Variants in NRG1 observed in about 807,000 individuals in gnomAD.
The protein encoded by NRG1 is neuregulin 1, also known as pro-neuregulin-1, membrane-bound isoform.
Under a neutral mutation model 63.8 loss-of-function variants are expected in NRG1, and 18 were observed. That is an observed-to-expected ratio of 0.28 (90% CI 0.19 to 0.42). NRG1 has a LOEUF of 0.42. Ranked by LOEUF, NRG1 falls within the 10% of genes least tolerant of loss-of-function variation. The probability of loss-of-function intolerance (pLI) is 1.00; values close to 1 mark genes in which losing one functional copy is unlikely to be tolerated. For missense variants in NRG1, 762 were observed against 814.7 expected (o/e 0.94, Z 0.79); for synonymous variants, 302 against 301.3 (o/e 1.00, Z -0.02).
intron 1 of NRG1, among the ~76,000 whole-genome samples, chr8:31,948,794 G>A (rs376462697): frequency 4.5e-4 from 68 of 152,150 alleles, no homozygotes; most frequent in African/African-American, 1.4e-3. Flanking sequence ...TTCATGCCAC[G>A]AGAAGCCTTT....
intron 1 of NRG1, among the ~76,000 whole-genome samples, chr8:31,729,008 A>G (rs1245965273): frequency 6.6e-5 from 10 of 152,176 alleles, no homozygotes; most frequent in Admixed American, 6.5e-4. Flanking sequence ...CTGGGCTGTT[A>G]GTTTTGAGGT....
intron 1 of NRG1, among the ~76,000 whole-genome samples, chr8:32,275,098 C>G (rs934756458): frequency 1.3e-5 from 2 of 152,058 alleles, no homozygotes; most frequent in Admixed American, 6.6e-5. Flanking sequence ...TGGAAGAGAG[C>G]ATCCCACAAC....
Position 32,341,376 on chromosome 8 carries a change from C to T in NRG1, c.38-254452C>T, listed in dbSNP as rs1161755736. Among the ~76,000 whole-genome samples the T allele has an allele frequency of 7.9e-5, 12 of 152,316 alleles. No homozygotes were observed. In the East Asian group the frequency reaches 1.5e-3, roughly 20 times the overall value. On this transcript the variant is annotated intron_variant, in intron 1 of 10. Transcript: ENST00000519301. Reference sequence around the variant, plus strand: ...AGAGAAGAGAGAGGAATTTTCCACTCGGGCAAAGTGAAGCACTGGTCAGCT... The same window carrying T: ...AGAGAAGAGAGAGGAATTTTCCACTTGGGCAAAGTGAAGCACTGGTCAGCT...
intron 1 of NRG1, among the ~76,000 whole-genome samples, chr8:32,230,970 CT>C (rs1207211200): frequency 6.6e-6 from 1 of 152,054 alleles, no homozygotes; most frequent in Non-Finnish European, 1.5e-5. Flanking sequence ...AGATCTTATT[CT>C]TTCTATCTAA....
intron 1 of NRG1, among the ~76,000 whole-genome samples, chr8:32,573,714 C>A (rs2129529198): frequency 6.6e-6 from 1 of 152,014 alleles, no homozygotes; most frequent in East Asian, 1.9e-4. Context: ...AGGTTTGTTA[C>A]ATATGTATAC....
At chr8:32,496,208 A>G (rs1449513644) in intron 1 of NRG1, among the ~76,000 whole-genome samples, 1 of 152,202 alleles carries the variant, frequency 6.6e-6, no homozygotes, top group Non-Finnish European at 1.5e-5. Context: ...AGCAGTAGTT[A>G]ACAGAATATT....
At chr8:31,690,961 T>C (rs906037965) in intron 1 of NRG1, among the ~76,000 whole-genome samples, 15 of 152,138 alleles carry the variant, frequency 9.9e-5, no homozygotes, top group African/African-American at 3.4e-4. Context: ...ATGGGAGCCA[T>C]CAGCACATAA....
At chr8:31,722,015 A>G (rs1158719233) in intron 1 of NRG1, among the ~76,000 whole-genome samples, 2 of 151,950 alleles carry the variant, frequency 1.3e-5, no homozygotes, top group Non-Finnish European at 2.9e-5. Context: ...TATCTTTCCA[A>G]ACTTTCCTTT....
intron 5 of NRG1, among the ~76,000 whole-genome samples, chr8:32,723,292 G>A (rs557346128): frequency 6.6e-6 from 1 of 152,222 alleles, no homozygotes; most frequent in South Asian, 2.1e-4. Context: ...TATCTATGAA[G>A]GGTTTCTTCT....
At chr8:32,063,818 A>T (rs1364175822) in intron 1 of NRG1, among the ~76,000 whole-genome samples, 1 of 152,148 alleles carries the variant, frequency 6.6e-6, no homozygotes, top group African/African-American at 2.4e-5. Flanking sequence ...TAATTAACTT[A>T]TATAAAGTTT....
At chr8:31,877,095 T>C (rs1387666221) in intron 1 of NRG1, among the ~76,000 whole-genome samples, 1 of 152,182 alleles carries the variant, frequency 6.6e-6, no homozygotes, top group Non-Finnish European at 1.5e-5. Flanking sequence ...GAATACCAAA[T>C]TCCAGTGTAG....
chr8:32,698,810 C>A (rs555875123), intron 5 of NRG1, among the ~76,000 whole-genome samples: 2 of 152,266 alleles, frequency 1.3e-5, no homozygotes, highest in East Asian at 3.9e-4. Flanking sequence ...AAACCACCCC[C>A]CATAGAGCTG....
At chr8:32,044,913 C>CAAACAAA (rs1820707167) in intron 1 of NRG1, among the ~76,000 whole-genome samples, 1 of 57,120 alleles carries the variant, frequency 1.8e-5, no homozygotes, top group Non-Finnish European at 3.4e-5. Context: ...TAAAGAAAAG[C>CAAACAAA]AAAAAAAAAA....
At chr8:31,883,483 T>C (rs1830505426) in intron 1 of NRG1, among the ~76,000 whole-genome samples, 1 of 152,144 alleles carries the variant, frequency 6.6e-6, no homozygotes, top group South Asian at 2.1e-4. Flanking sequence ...ATCAGTAAGA[T>C]GTGTAATGTG....
intron 1 of NRG1, among the ~76,000 whole-genome samples, chr8:32,130,480 G>A (rs1225549185): frequency 6.6e-6 from 1 of 151,796 alleles, no homozygotes; most frequent in Non-Finnish European, 1.5e-5. Context: ...TGGAATTGGT[G>A]GTAATACTGA....
chr8:32,548,458 C>T (rs2129523163), exon 1 of NRG1: 1 of 1,170,836 alleles, frequency 8.5e-7, no homozygotes, highest in Non-Finnish European at 1.1e-6. Flanking sequence ...GAGCCGCCAG[C>T]GGTGGGACCC....
chr8:32,395,400 T>C (rs1812311213), intron 1 of NRG1, among the ~76,000 whole-genome samples: 1 of 152,214 alleles, frequency 6.6e-6, no homozygotes, highest in African/African-American at 2.4e-5. Flanking sequence ...ATGCAATGAC[T>C]GGCGTATTCA....
At chr8:31,764,179 CT>C (rs1386156509) in intron 1 of NRG1, among the ~76,000 whole-genome samples, 1 of 151,986 alleles carries the variant, frequency 6.6e-6, no homozygotes, top group Non-Finnish European at 1.5e-5. Flanking sequence ...TTTTAATCAA[CT>C]TTTTTGAGAT....
At chr8:32,101,364 C>A (rs1257016370) in intron 1 of NRG1, among the ~76,000 whole-genome samples, 2 of 151,864 alleles carry the variant, frequency 1.3e-5, no homozygotes, top group Non-Finnish European at 2.9e-5. Flanking sequence ...CACAAAGCAG[C>A]GTTGCTCAAA....
Sources: allele counts gnomAD v4.1 joint callset (sites outside exome capture counted in the v4.1 genomes callset), GRCh38; gene constraint gnomAD v4.1.1; transcripts MANE v1.5; gene names NCBI Gene and HGNC (gene_info 2026-07-23, HGNC 2026-07-21).